Variants in FGF14 observed in about 807,000 individuals in gnomAD.
FGF14 encodes fibroblast growth factor 14.
In FGF14, 5 loss-of-function variants were observed where a neutral mutation model predicts 25.5. The ratio of observed to expected loss-of-function variants is 0.20; its 90% CI spans 0.10 to 0.41. FGF14 has a LOEUF of 0.41. Ranked by LOEUF, FGF14 falls within the 10% of genes least tolerant of loss-of-function variation. FGF14 has a pLI of 1.00. For missense variants in FGF14, 222 were observed against 320.1 expected (o/e 0.69, Z 2.34); for synonymous variants, 138 against 118.3 (o/e 1.17, Z -1.08).
chr13:102,203,088 C>A (rs2140889164), intron 1 of FGF14, among the ~76,000 whole-genome samples: 1 of 152,260 alleles, frequency 6.6e-6, no homozygotes, highest in Middle Eastern at 3.4e-3. Flanking sequence ...GCCACAGCCA[C>A]CATCATTTAA....
intron 1 of FGF14, among the ~76,000 whole-genome samples, chr13:102,018,922 G>A (rs2040489460): frequency 6.6e-6 from 1 of 152,104 alleles, no homozygotes; most frequent in South Asian, 2.1e-4. Flanking sequence ...GCTTGCACAT[G>A]TACATTTTAC....
chr13:101,722,580 TA>T lies in FGF14; in HGVS notation c.*250del. The stretch of plus-strand genomic sequence containing the variant: ...AGTGTCACAGTCACAGAAAAGATAT[TA>T]AAAAGGCATTCCATATCTGGTAGGG... On this transcript the variant is annotated 3_prime_UTR_variant, in exon 5 of 5. Transcript: ENST00000376143. The T allele has an allele frequency of 1.9e-6, 1 of 534,108 alleles. No individual in the cohort carries two copies. 33.1% of individuals were successfully genotyped at this position (534,108 alleles called of 1,614,324 possible).
At chr13:102,253,479 T>G (rs1429780200) in intron 1 of FGF14, among the ~76,000 whole-genome samples, 1 of 152,212 alleles carries the variant, frequency 6.6e-6, no homozygotes, top group Non-Finnish European at 1.5e-5. Flanking sequence ...TTTTGAGAAG[T>G]GTCCGTTCAT....
At chr13:102,314,603 A>G (rs1054361828) in intron 1 of FGF14, among the ~76,000 whole-genome samples, 5 of 152,208 alleles carry the variant, frequency 3.3e-5, no homozygotes, top group African/African-American at 2.4e-5. Context: ...AGAAACTCAC[A>G]ATTATTCATA....
intron 1 of FGF14, among the ~76,000 whole-genome samples, chr13:102,375,451 T>C (rs375754625): frequency 6.6e-6 from 1 of 152,180 alleles, no homozygotes; most frequent in Non-Finnish European, 1.5e-5. Flanking sequence ...TGACTGGAAA[T>C]CAACTCTTTG....
chr13:102,056,271 A>G (rs956636318), intron 1 of FGF14, among the ~76,000 whole-genome samples: 3 of 152,250 alleles, frequency 2.0e-5, no homozygotes, highest in East Asian at 1.9e-4. Flanking sequence ...GACACAGCCT[A>G]TAACTCTTAT....
At chr13:102,205,478 A>C (rs1361637585) in intron 1 of FGF14, among the ~76,000 whole-genome samples, 1 of 152,164 alleles carries the variant, frequency 6.6e-6, no homozygotes, top group African/African-American at 2.4e-5. Context: ...TGGGCATTAG[A>C]CATTACACAT....
intron 1 of FGF14, among the ~76,000 whole-genome samples, chr13:102,382,849 A>C (rs566715004): frequency 2.6e-5 from 4 of 152,270 alleles, no homozygotes; most frequent in Admixed American, 1.3e-4. Flanking sequence ...TAAATAAAAG[A>C]AGCCAGATAT....
Position 101,841,646 on chromosome 13 carries a change from G to A in FGF14, c.408+27079C>T, listed in dbSNP as rs181117484. ...CAGTTGCCAGCATTGATTGAACATCGGAATGGTAACAGTCACTAGGAAATC... is the reference window on the plus strand; with the variant it reads ...CAGTTGCCAGCATTGATTGAACATCAGAATGGTAACAGTCACTAGGAAATC... On this transcript the variant is annotated intron_variant, in intron 3 of 4. Transcript: ENST00000376143. Among the ~76,000 whole-genome samples the A allele has an allele frequency of 3.3e-5, 5 of 152,058 alleles. No individual in the cohort carries two copies. The East Asian group carries it at 5.8e-4, about 18-fold the overall frequency.
At chr13:101,956,593 T>C (rs2036527344) in intron 1 of FGF14, among the ~76,000 whole-genome samples, 2 of 152,028 alleles carry the variant, frequency 1.3e-5, no homozygotes, top group South Asian at 2.1e-4. Flanking sequence ...ACAATAACGA[T>C]GGACCTAAAT....
chr13:101,979,891 G>A (rs1235195996), intron 1 of FGF14, among the ~76,000 whole-genome samples: 1 of 152,140 alleles, frequency 6.6e-6, no homozygotes, highest in Non-Finnish European at 1.5e-5. Context: ...AAAGGGCAAA[G>A]TAGAACCAGA....
At chr13:102,037,181 A>G (rs936618732) in intron 1 of FGF14, among the ~76,000 whole-genome samples, 1 of 152,118 alleles carries the variant, frequency 6.6e-6, no homozygotes, top group Non-Finnish European at 1.5e-5. Flanking sequence ...GTTCTATTAT[A>G]TTGTATTAAT....
chr13:101,995,361 C>T (rs1205059885), intron 1 of FGF14, among the ~76,000 whole-genome samples: 1 of 152,094 alleles, frequency 6.6e-6, no homozygotes, highest in Non-Finnish European at 1.5e-5. Flanking sequence ...TTCTCAGTTA[C>T]CACAAAATCA....
chr13:102,304,853 G>A, intron 1 of FGF14, among the ~76,000 whole-genome samples: 1 of 152,102 alleles, frequency 6.6e-6, no homozygotes, highest in East Asian at 1.9e-4. Flanking sequence ...TGTGCCTTCA[G>A]CCAGCACTCT....
intron 1 of FGF14, among the ~76,000 whole-genome samples, chr13:101,944,571 G>A (rs1021719837): frequency 2.0e-5 from 3 of 152,122 alleles, no homozygotes; most frequent in Non-Finnish European, 4.4e-5. Flanking sequence ...CAATATTAAA[G>A]CTCACTATTT....
chr13:102,092,056 G>A (rs551613612), intron 1 of FGF14, among the ~76,000 whole-genome samples: 1 of 152,230 alleles, frequency 6.6e-6, no homozygotes, highest in Non-Finnish European at 1.5e-5. Context: ...ACTGATGTGG[G>A]GATGACACAT....
chr13:102,382,831 C>T (rs1028008461), intron 1 of FGF14, among the ~76,000 whole-genome samples: 1 of 151,984 alleles, frequency 6.6e-6, no homozygotes, highest in Non-Finnish European at 1.5e-5. Context: ...ATCTTGAAAA[C>T]ATTACTCTAA....
intron 3 of FGF14, among the ~76,000 whole-genome samples, chr13:101,772,731 A>G (rs1472255359): frequency 3.9e-5 from 6 of 152,132 alleles, no homozygotes; most frequent in Admixed American, 3.9e-4. Context: ...TTCAAAGACT[A>G]AAATAATTTC....
At chr13:101,919,009 C>A (rs1343931948), upstream of FGF14, among the ~76,000 whole-genome samples, 3 of 151,960 alleles carry the variant, frequency 2.0e-5, no homozygotes, top group Admixed American at 2.0e-4. Context: ...CTGCCTTTCC[C>A]TCTCTATTTT....
Sources: gnomAD v4.1 joint callset for allele counts (sites outside exome capture counted in the v4.1 genomes callset) on GRCh38, gnomAD v4.1.1 for gene constraint, MANE v1.5 for transcripts, NCBI Gene and HGNC (gene_info 2026-07-23, HGNC 2026-07-21) for gene names.